Variants in DPP6 observed in about 807,000 individuals in gnomAD.
DPP6 encodes dipeptidyl peptidase like 6.
In DPP6, 69 loss-of-function variants were observed where a neutral mutation model predicts 122.6. The observed-to-expected ratio is 0.56, with a 90% confidence interval of 0.46 to 0.69. The LOEUF is 0.69. DPP6 is among the 30% of genes least tolerant of loss of function. The pLI, the probability that DPP6 is intolerant of heterozygous loss-of-function variation, is 0.00. For missense variants in DPP6, 928 were observed against 1,116.9 expected (o/e 0.83, Z 2.41); for synonymous variants, 418 against 433.1 (o/e 0.97, Z 0.43).
At chr7:154,141,792 A>G (rs1795860337) in intron 1 of DPP6, among the ~76,000 whole-genome samples, 1 of 152,240 alleles carries the variant, frequency 6.6e-6, no homozygotes, top group Non-Finnish European at 1.5e-5. Context: ...AGAGGCCCAC[A>G]TTTGTGGCAA....
chr7:154,748,764 G>T (rs1389418659), intron 8 of DPP6, among the ~76,000 whole-genome samples: 1 of 152,146 alleles, frequency 6.6e-6, no homozygotes, highest in Non-Finnish European at 1.5e-5. Context: ...CAGTGGATGC[G>T]CTGGTTGGAA....
chr7:154,517,754 G>T (rs975220665), intron 3 of DPP6, among the ~76,000 whole-genome samples: 1 of 152,082 alleles, frequency 6.6e-6, no homozygotes, highest in South Asian at 2.1e-4. Context: ...AAATGACAGC[G>T]GTGTTGTGTC....
chr7:154,096,992 T>C (rs1805366262), intron 1 of DPP6, among the ~76,000 whole-genome samples: 1 of 152,244 alleles, frequency 6.6e-6, no homozygotes, highest in African/African-American at 2.4e-5. Flanking sequence ...TTGTTGGGTA[T>C]TCACCGTGTG....
chr7:154,810,778 A>G (rs925970123), intron 16 of DPP6, among the ~76,000 whole-genome samples: 5 of 151,978 alleles, frequency 3.3e-5, no homozygotes, highest in African/African-American at 1.2e-4. Context: ...GTACAGCCAC[A>G]CTGGGTCACA....
chr7:153,944,389 G>A (rs57275824), intron 1 of DPP6, among the ~76,000 whole-genome samples: 2,932 of 152,266 alleles, frequency 0.019, 89 homozygotes, highest in African/African-American at 0.067. Context: ...GGGCCCTGCC[G>A]GGTCATGTGA....
the DPP6 span, among the ~76,000 whole-genome samples, chr7:153,806,857 A>C: frequency 9.4e-6 from 1 of 106,402 alleles, no homozygotes; most frequent in South Asian, 3.0e-4. Context: ...AAAAAGAATA[A>C]AGGAAAGAGT....
At chr7:153,902,268 T>G (rs923746440) in intron 1 of DPP6, among the ~76,000 whole-genome samples, 4 of 152,202 alleles carry the variant, frequency 2.6e-5, no homozygotes, top group African/African-American at 7.2e-5. Context: ...ATTTGTCAAA[T>G]AGTTCATCCT....
intron 5 of DPP6, among the ~76,000 whole-genome samples, chr7:154,614,087 C>T (rs1271096104): frequency 6.6e-6 from 1 of 152,248 alleles, no homozygotes; most frequent in African/African-American, 2.4e-5. Context: ...TGCCCATCCA[C>T]AGCTGTCTTC....
Position 154,282,490 on chromosome 7 carries a change from AGT to A in DPP6, c.244-163720_244-163719del, listed in dbSNP as rs1481930198. ...TTTTGTTCCCTACGCCCCTTGGGAGAGTGTGGCACACTGGAAGAAAGACACGC... is the reference window on the plus strand; with the variant it reads ...TTTTGTTCCCTACGCCCCTTGGGAGAGTGGCACACTGGAAGAAAGACACGC... On this transcript the variant is annotated intron_variant, in intron 1 of 25. Transcript: ENST00000377770. The surrounding 1 kb of genome is among the most constrained non-coding windows in gnomAD (Gnocchi z 4.8). Among the ~76,000 whole-genome samples the A allele has an allele frequency of 2.6e-5, 4 of 152,076 alleles. No individual in the cohort carries two copies. Among genetic ancestry groups the A allele is most frequent in the African/African-American group, 9.7e-5 (4 of 41,390 alleles).
chr7:154,051,572 G>A (rs1365064976), upstream of DPP6, among the ~76,000 whole-genome samples: 3 of 146,680 alleles, frequency 2.0e-5, no homozygotes, highest in Non-Finnish European at 4.5e-5. Flanking sequence ...GCCCGAGAGC[G>A]CGCGGCGAGT....
chr7:154,203,252 G>T (rs1229777660), intron 1 of DPP6, among the ~76,000 whole-genome samples: 1 of 152,118 alleles, frequency 6.6e-6, no homozygotes, highest in Non-Finnish European at 1.5e-5. Context: ...CTGAAGTTGC[G>T]CAAATACAGG....
At chr7:154,371,155 A>G (rs1812619982) in intron 1 of DPP6, among the ~76,000 whole-genome samples, 1 of 152,078 alleles carries the variant, frequency 6.6e-6, no homozygotes, top group South Asian at 2.1e-4. Context: ...AGGTGGGCGG[A>G]TCGCTTGAGG....
chr7:154,791,858 C>T (rs2150423746), intron 10 of DPP6, among the ~76,000 whole-genome samples: 1 of 152,348 alleles, frequency 6.6e-6, no homozygotes, highest in African/African-American at 2.4e-5. Context: ...ACATTTCCAG[C>T]ACGATTTGTT....
Position 154,885,747 on chromosome 7 carries a change from A to G in DPP6, c.2245+3A>G. ...AATAACAGACTTCAAACTCTATGGT[A>G]AATAGCCCTGCAGGACCAAGCGACG... is the stretch of plus-strand genomic sequence containing the variant. On this transcript the variant is annotated splice_donor_region_variant and intron_variant, in intron 22 of 25. Transcript: ENST00000377770. 6.3e-7 allele frequency: 1 copy of G among 1,585,006 alleles called. No individual in the cohort carries two copies. The highest frequency in any genetic ancestry group is 8.6e-7 in the Non-Finnish European group (1 of 1,165,500).
chr7:153,760,882 G>A, the DPP6 span, among the ~76,000 whole-genome samples: 2 of 151,986 alleles, frequency 1.3e-5, no homozygotes, highest in Non-Finnish European at 2.9e-5. Flanking sequence ...AATTTTCAGG[G>A]GGCCCTCAGC....
rs143254002 is a variant in DPP6, at chr7:154,709,358, TTTG to T, written c.763-18386_763-18384del. ...TGACACTCAGCTAATTTTTTAATGT[TTTG>T]TTGTTGTTGTTGTTGTTGTTGTCGT... On this transcript the variant is annotated intron_variant, in intron 7 of 25. Transcript: ENST00000377770. Among the ~76,000 whole-genome samples, 274 of 149,300 alleles carry T rather than the reference TTTG, an allele frequency of 1.8e-3. 1 individual carries two copies. The highest frequency in any genetic ancestry group is 5.8e-3 in the African/African-American group (231 of 40,152).
intron 5 of DPP6, among the ~76,000 whole-genome samples, chr7:154,599,452 C>A (rs1833294696): frequency 1.3e-5 from 2 of 151,758 alleles, no homozygotes; most frequent in African/African-American, 2.4e-5. Flanking sequence ...CAAGAACTTT[C>A]TTTCTTTCTC....
chr7:153,895,055 T>C (rs1285574742), intron 1 of DPP6, among the ~76,000 whole-genome samples: 4 of 152,078 alleles, frequency 2.6e-5, no homozygotes, highest in Admixed American at 2.6e-4. Context: ...TGTTTTTAAG[T>C]TTTCTAACCT....
At chr7:154,598,803 GTTGTT>G (rs955722793) in intron 5 of DPP6, among the ~76,000 whole-genome samples, 19 of 152,196 alleles carry the variant, frequency 1.2e-4, no homozygotes, top group African/African-American at 4.3e-4. Context: ...TTATAGCATT[GTTGTT>G]TTGTTTTGTT....
Sources: gnomAD v4.1 joint callset for allele counts (sites outside exome capture counted in the v4.1 genomes callset) on GRCh38, gnomAD v4.1.1 for gene constraint, Gnocchi (gnomAD v3.1) non-coding constraint, MANE v1.5 for transcripts, NCBI Gene and HGNC (gene_info 2026-07-23, HGNC 2026-07-21) for gene names.